Variants in WNT9B observed in about 807,000 individuals in gnomAD.
WNT9B encodes the protein protein Wnt-9b.
Under a neutral mutation model 30.2 loss-of-function variants are expected in WNT9B, and 12 were observed. The ratio of observed to expected loss-of-function variants is 0.40; its 90% CI spans 0.26 to 0.64. The LOEUF is 0.64. Among genes scored for constraint, WNT9B ranks in the 30% least tolerant of loss-of-function variants. The probability of loss-of-function intolerance (pLI) is 0.42; values close to 1 mark genes in which losing one functional copy is unlikely to be tolerated. For missense variants in WNT9B, 442 were observed against 485.2 expected, an observed-to-expected ratio of 0.91 and a Z score of 0.84; for synonymous variants, 218 against 216.9, an observed-to-expected ratio of 1.01 and a Z score of -0.05.
upstream of WNT9B, among the ~76,000 whole-genome samples, chr17:46,848,932 G>GCACACACACACACACACA: frequency 6.8e-6 from 1 of 146,290 alleles, no homozygotes; most frequent in East Asian, 2.0e-4. Context: ...GTGTGCACGT[G>GCACACACACACACACACA]CACACACACA....
At chr17:46,839,922 TTCTTTCTTTCTTTC>T (rs1245983498) in intron 1 of WNT9B, among the ~76,000 whole-genome samples, 2 of 103,308 alleles carry the variant, frequency 1.9e-5, no homozygotes. Context: ...TTTTCTTTCT[TTCTTTCTTTCTTTC>T]TTTCTTTCTT....
At chr17:46,835,566 C>T (rs2084618596) in intron 1 of WNT9B, among the ~76,000 whole-genome samples, 1 of 152,228 alleles carries the variant, frequency 6.6e-6, no homozygotes, top group Admixed American at 6.5e-5. Flanking sequence ...GGTCCACCCT[C>T]ACCTCCTCCA....
upstream of WNT9B, among the ~76,000 whole-genome samples, chr17:46,847,995 T>TGTGTGC (rs746347823): frequency 2.0e-5 from 3 of 149,424 alleles, no homozygotes; most frequent in African/African-American, 7.4e-5. Context: ...TGTGTGTGTG[T>TGTGTGC]GCACGTGCAT....
chr17:46,837,320 G>A (rs1291583236), intron 1 of WNT9B, among the ~76,000 whole-genome samples: 1 of 152,184 alleles, frequency 6.6e-6, no homozygotes, highest in East Asian at 1.9e-4. Flanking sequence ...CACCTGCAGT[G>A]ACAAGGCTGG....
chr17:46,854,254 C>T (rs1398960102), intron 1 of WNT9B, among the ~76,000 whole-genome samples: 3 of 152,206 alleles, frequency 2.0e-5, no homozygotes, highest in East Asian at 1.9e-4. Flanking sequence ...CATCTGCATT[C>T]GCTGTCTGGG....
intron 3 of WNT9B, 21 bp downstream of exon 3, chr17:46,875,387 C>T (rs534820375): frequency 4.5e-6 from 7 of 1,570,438 alleles, no homozygotes; most frequent in Admixed American, 3.5e-5. Flanking sequence ...CCCTGGCTGC[C>T]CGCAGTGCCT....
intron 1 of WNT9B, among the ~76,000 whole-genome samples, chr17:46,867,367 G>GCATC (rs1241154867): frequency 6.6e-6 from 1 of 152,232 alleles, no homozygotes; most frequent in East Asian, 1.9e-4. Flanking sequence ...TTGAACCCAG[G>GCATC]CAGTCTGGCT....
intron 1 of WNT9B, among the ~76,000 whole-genome samples, chr17:46,863,005 C>T (rs1177887551): frequency 1.3e-5 from 2 of 152,264 alleles, no homozygotes; most frequent in East Asian, 3.8e-4. Flanking sequence ...ACGGGCCTGG[C>T]TCTCAGACCC....
chr17:46,857,787 T>A (rs1004414968), intron 1 of WNT9B, among the ~76,000 whole-genome samples: 1 of 152,220 alleles, frequency 6.6e-6, no homozygotes, highest in African/African-American at 2.4e-5. Flanking sequence ...TAGTATCTCA[T>A]TGTGGTTTTA....
chr17:46,870,910 T>G (rs1397832077), intron 1 of WNT9B, among the ~76,000 whole-genome samples: 1 of 146,694 alleles, frequency 6.8e-6, no homozygotes. Flanking sequence ...TTTGCTTTTT[T>G]TTTTTTTTTT....
chr17:46,840,044 C>T (rs1437912554), intron 1 of WNT9B, among the ~76,000 whole-genome samples: 2 of 134,122 alleles, frequency 1.5e-5, no homozygotes, highest in South Asian at 2.5e-4. Context: ...TTCTTTCTTT[C>T]TTTCTCTCTC....
chr17:46,870,006 A>T (rs74795667), intron 1 of WNT9B, among the ~76,000 whole-genome samples: 2,218 of 152,288 alleles, frequency 0.015, 60 homozygotes, highest in African/African-American at 0.051. Context: ...CAAAAAAAAA[A>T]ATGTTATATA....
At chr17:46,837,044 G>A (rs978641696) in intron 1 of WNT9B, among the ~76,000 whole-genome samples, 2 of 152,100 alleles carry the variant, frequency 1.3e-5, no homozygotes, top group African/African-American at 4.8e-5. Context: ...CCAGGTTCAA[G>A]CAATTCTCCT....
At position 46,876,946 on chromosome 17, in the gene WNT9B, A is replaced by T. The variant is rs1024934080; in HGVS notation, c.*228A>T. ...TCCTCCCTTAACCCAAGCATCCCCA[A>T]CCTTGTTGAGGACTTGGAGAGGAGG... On this transcript the variant is annotated 3_prime_UTR_variant, in exon 4 of 4. Coordinates refer to ENST00000290015, the MANE Select transcript of WNT9B (RefSeq NM_003396.3). The T allele has an allele frequency of 3.1e-6, 4 of 1,311,238 alleles. No homozygotes were observed. The African/African-American group carries it at 5.9e-5, about 19-fold the overall frequency. 81.2% of individuals were successfully genotyped at this position (1,311,238 alleles called of 1,614,324 possible). A position where few individuals can be genotyped will look rare whatever the true frequency, so the allele number is the denominator to read the frequency against.
At chr17:46,865,904 G>C (rs1175615930) in intron 1 of WNT9B, among the ~76,000 whole-genome samples, 1 of 152,104 alleles carries the variant, frequency 6.6e-6, no homozygotes, top group Non-Finnish European at 1.5e-5. Context: ...GCGCCACAAT[G>C]CCTGACCAAA....
At chr17:46,880,981 T>C (rs1330161524), downstream of WNT9B, among the ~76,000 whole-genome samples, 1 of 151,990 alleles carries the variant, frequency 6.6e-6, no homozygotes, top group Non-Finnish European at 1.5e-5. Context: ...ATAGGAGAAA[T>C]GAGAAGCACA....
intron 1 of WNT9B, among the ~76,000 whole-genome samples, chr17:46,859,537 CA>C (rs1456737042): frequency 6.6e-6 from 1 of 152,116 alleles, no homozygotes; most frequent in Non-Finnish European, 1.5e-5. Context: ...GCCTTGATTA[CA>C]GTAGCTTTAA....
Position 46,872,721 on chromosome 17 carries a change from G to C in WNT9B, c.282G>C (p.Arg94=), listed in dbSNP as rs888302560. The C allele has an allele frequency of 2.5e-6, 4 of 1,612,500 alleles. No individual in the cohort carries two copies. The highest frequency in any genetic ancestry group is 3.4e-6 in the Non-Finnish European group (4 of 1,179,782). The change falls in exon 2 of 4, where the codon CGG becomes CGC. Residue 94 remains arginine, a synonymous_variant. Transcript: ENST00000290015. Reference sequence around the variant, plus strand: ...TGCTTGAGTGCCAGTTTCAGTTCCGGCATGAGCGCTGGAACTGTAGCCTGG... The same window carrying C: ...TGCTTGAGTGCCAGTTTCAGTTCCGCCATGAGCGCTGGAACTGTAGCCTGG... ...LGLLECQFQF[R]HERWNCSLEG... is the part of the protein sequence containing the mutation.
At position 46,836,095 on chromosome 17, in the gene WNT9B, C is replaced by CGTGTGTGTGTGTGTGTGTGTGTGTGTGT. The variant is rs59862934; in HGVS notation, c.95+2668_95+2695dup. On this transcript the variant is annotated intron_variant, in intron 1 of 2. Coordinates refer to the WNT9B transcript ENST00000575372. Reference sequence around the variant, plus strand: ...GGAACAGCAGCTGGAGAGACGCTGACGTGTGTGTGTGTGTGTGTGTGTGTG... The same window carrying CGTGTGTGTGTGTGTGTGTGTGTGTGTGT: ...GGAACAGCAGCTGGAGAGACGCTGACGTGTGTGTGTGTGTGTGTGTGTGTGTGTGTGTGTGTGTGTGTGTGTGTGTGTG... Among the ~76,000 whole-genome samples the CGTGTGTGTGTGTGTGTGTGTGTGTGTGT allele has an allele frequency of 1.0e-3, 126 of 126,500 alleles. 2 individuals carry two copies. Among genetic ancestry groups the CGTGTGTGTGTGTGTGTGTGTGTGTGTGT allele is most frequent in the East Asian group, 7.5e-3 (28 of 3,712 alleles). 83.0% of individuals were successfully genotyped at this position (126,500 alleles called of 152,430 possible).
Sources: allele counts gnomAD v4.1 joint callset (sites outside exome capture counted in the v4.1 genomes callset), GRCh38; gene constraint gnomAD v4.1.1; transcripts MANE v1.5; gene names NCBI Gene and HGNC (gene_info 2026-07-23, HGNC 2026-07-21).